GSE1: variants seen among roughly 807,000 people sequenced by gnomAD.
GSE1 encodes the protein genetic suppressor element 1.
Under a neutral mutation model 112.6 loss-of-function variants are expected in GSE1, and 32 were observed. The observed-to-expected ratio is 0.28, with a 90% confidence interval of 0.21 to 0.38. The LOEUF is 0.38. Among genes scored for constraint, GSE1 ranks in the 10% least tolerant of loss-of-function variants. The probability of loss-of-function intolerance (pLI) is 1.00; values close to 1 mark genes in which losing one functional copy is unlikely to be tolerated. For synonymous variants in GSE1, 1,115 were observed against 735.6 expected (o/e 1.52, Z -8.35); for missense variants, 2,348 against 1,699.2 (o/e 1.38, Z -6.71).
At chr16:85,560,128 C>A (rs200956528) in intron 1 of GSE1, among the ~76,000 whole-genome samples, 2 of 99,154 alleles carry the variant, frequency 2.0e-5, no homozygotes, top group African/African-American at 4.0e-5. Context: ...TCTTCTTCTT[C>A]TTTTTTTTTT....
chr16:85,626,610 G>T (rs999051501), intron 1 of GSE1, among the ~76,000 whole-genome samples: 1 of 152,212 alleles, frequency 6.6e-6, no homozygotes, highest in African/African-American at 2.4e-5. Context: ...ATTACCCCAC[G>T]GGGGGCTGTC....
upstream of GSE1, chr16:85,555,189 C>A (rs2045139781): frequency 1.0e-6 from 1 of 985,292 alleles, no homozygotes; most frequent in Non-Finnish European, 1.2e-6. Context: ...TGCTGTCAGG[C>A]AGCCAGCTTT....
intron 2 of GSE1, among the ~76,000 whole-genome samples, chr16:85,497,239 T>C (rs2051211175): frequency 6.6e-6 from 1 of 152,212 alleles, no homozygotes; most frequent in Non-Finnish European, 1.5e-5. Context: ...CTGCTGGGTC[T>C]CCTGAAGGCG....
intron 1 of GSE1, among the ~76,000 whole-genome samples, chr16:85,619,670 C>G (rs1241811491): frequency 6.6e-6 from 1 of 152,182 alleles, no homozygotes; most frequent in Non-Finnish European, 1.5e-5. Flanking sequence ...TTTCTGTATC[C>G]AGAGGTGCTG....
At chr16:85,292,610 AG>A (rs2045255778) in intron 1 of GSE1, among the ~76,000 whole-genome samples, 4 of 151,990 alleles carry the variant, frequency 2.6e-5, no homozygotes, top group African/African-American at 7.3e-5. Context: ...TACAGGCCGG[AG>A]CCACTGTGCC....
At chr16:85,652,588 A>C (rs980442652) in intron 3 of GSE1, among the ~76,000 whole-genome samples, 1 of 152,030 alleles carries the variant, frequency 6.6e-6, no homozygotes, top group Admixed American at 6.5e-5. Flanking sequence ...ATCCTCGCTG[A>C]CTGTCTCCTG....
rs753060939 is a variant in GSE1 at position 85,655,721 on chromosome 16, C to T, written c.798-5C>T. 2.5e-6 allele frequency: 4 copies of T among 1,591,416 alleles called. No individual in the cohort carries two copies. Among genetic ancestry groups the T allele is most frequent in the Non-Finnish European group, 3.4e-6 (4 of 1,167,502 alleles). On this transcript the variant is annotated splice_polypyrimidine_tract_variant and splice_region_variant and intron_variant, in intron 5 of 15. Transcript: ENST00000253458. ...GCTGCTCACAGCCCCGTCTTCTCTG[C>T]ACAGGATGGACGACTCCTACTGCCT...
intron 2 of GSE1, among the ~76,000 whole-genome samples, chr16:85,471,740 C>T (rs1014779215): frequency 6.6e-6 from 1 of 152,098 alleles, no homozygotes; most frequent in Non-Finnish European, 1.5e-5. Context: ...TCGATGATCT[C>T]GCTCTGTTGC....
chr16:85,240,196 G>A (rs1011832045), intron 1 of GSE1, among the ~76,000 whole-genome samples: 1 of 152,244 alleles, frequency 6.6e-6, no homozygotes, highest in Non-Finnish European at 1.5e-5. Context: ...ATGCTTGGCC[G>A]TTGTCACTGT....
intron 1 of GSE1, among the ~76,000 whole-genome samples, chr16:85,316,149 C>T (rs562472819): frequency 3.3e-5 from 5 of 152,368 alleles, no homozygotes; most frequent in South Asian, 4.1e-4. Context: ...CTGAGTAACT[C>T]GGTGCAGAAG....
chr16:85,623,095 G>A lies in GSE1; in HGVS notation c.7+9697G>A, dbSNP rs935007124. On this transcript the variant is annotated intron_variant, in intron 1 of 15. Coordinates refer to ENST00000253458, the MANE Select transcript of GSE1 (RefSeq NM_014615.5). ...TTCGGGAGAAACTGGGCACCTTCTC[G>A]TTGACTTGAAGCCTCCTATTTTAAG... Among the ~76,000 whole-genome samples the A allele has an allele frequency of 4.6e-5, 7 of 152,090 alleles. No individual in the cohort carries two copies. In the East Asian group the frequency reaches 5.8e-4, roughly 13 times the overall value.
chr16:85,563,995 C>T (rs1458163288), intron 1 of GSE1, among the ~76,000 whole-genome samples: 1 of 152,258 alleles, frequency 6.6e-6, no homozygotes, highest in Non-Finnish European at 1.5e-5. Flanking sequence ...CCCGTCAGGC[C>T]CCCTGTGAGC....
chr16:85,352,236 A>G (rs1209514732), intron 1 of GSE1, among the ~76,000 whole-genome samples: 2 of 152,212 alleles, frequency 1.3e-5, no homozygotes, highest in African/African-American at 4.8e-5. Context: ...AAGCATAACA[A>G]TGCAGGATCT....
upstream of GSE1, chr16:85,613,204 C>G: frequency 1.4e-6 from 2 of 1,445,966 alleles, no homozygotes; most frequent in Non-Finnish European, 1.8e-6. Flanking sequence ...GGCGGCGTTG[C>G]GTTTGGGTGT....
intron 1 of GSE1, chr16:85,185,454 C>A (rs2074680477): frequency 6.6e-6 from 1 of 152,336 alleles, no homozygotes; most frequent in Admixed American, 6.5e-5. Flanking sequence ...TCCCAGCAGC[C>A]CCAGAAGTCA....
At chr16:85,476,042 C>G (rs1047575318) in intron 2 of GSE1, among the ~76,000 whole-genome samples, 21 of 152,138 alleles carry the variant, frequency 1.4e-4, no homozygotes, top group Non-Finnish European at 4.4e-5. Flanking sequence ...ATGATTCTCC[C>G]GCCTCAGCCT....
chr16:85,563,926 C>A (rs1567593487), intron 1 of GSE1, among the ~76,000 whole-genome samples: 1 of 152,230 alleles, frequency 6.6e-6, no homozygotes, highest in African/African-American at 2.4e-5. Context: ...AGAACACGTG[C>A]CTGTGACCTA....
chr16:85,229,310 G>A (rs2075542537), intron 1 of GSE1, among the ~76,000 whole-genome samples: 1 of 152,222 alleles, frequency 6.6e-6, no homozygotes, highest in Admixed American at 6.5e-5. Flanking sequence ...TGGCAGGGCG[G>A]ACACGGTGAG....
intron 2 of GSE1, among the ~76,000 whole-genome samples, chr16:85,475,295 C>G (rs529873829): frequency 6.6e-6 from 1 of 152,220 alleles, no homozygotes; most frequent in Non-Finnish European, 1.5e-5. Context: ...ACAAGTGCGT[C>G]GCTGAATCTG....
Sources: gnomAD v4.1 joint callset for allele counts (sites outside exome capture counted in the v4.1 genomes callset) on GRCh38, gnomAD v4.1.1 for gene constraint, MANE v1.5 for transcripts, NCBI Gene and HGNC (gene_info 2026-07-23, HGNC 2026-07-21) for gene names.